HMGB1: variants seen among roughly 807,000 people sequenced by gnomAD.
HMGB1 encodes the protein high mobility group box 1.
For synonymous variants in HMGB1, 81 were observed against 84.0 expected (o/e 0.96, Z 0.19); for missense variants, 79 against 253.5 (o/e 0.31, Z 4.67).
At chr13:30,588,238 A>G (rs1871234755) in intron 1 of HMGB1, among the ~76,000 whole-genome samples, 1 of 152,240 alleles carries the variant, frequency 6.6e-6, no homozygotes, top group East Asian at 1.9e-4. Flanking sequence ...AAGACAATGT[A>G]TAATTATACA....
chr13:30,530,171 AAAACACCTGACTTCTTGTG>A, intron 1 of HMGB1, among the ~76,000 whole-genome samples: 1 of 152,254 alleles, frequency 6.6e-6, no homozygotes, highest in South Asian at 2.1e-4. Context: ...TAAAATTTCT[AAAACACCTGACTTCTTGTG>A]ATGGGTCACA....
At chr13:30,567,600 T>C (rs1057327678) in intron 1 of HMGB1, among the ~76,000 whole-genome samples, 1 of 152,196 alleles carries the variant, frequency 6.6e-6, no homozygotes, top group Admixed American at 6.5e-5. Context: ...TCCGCCCGCC[T>C]CGGCCTCCCA....
At chr13:30,483,420 GTGTCTCTGATCCC>G (rs1887282946) in intron 1 of HMGB1, among the ~76,000 whole-genome samples, 1 of 151,966 alleles carries the variant, frequency 6.6e-6, no homozygotes, top group Non-Finnish European at 1.5e-5. Flanking sequence ...TCTTTAATGT[GTGTCTCTGATCCC>G]TGTCACTTCC....
intron 1 of HMGB1, among the ~76,000 whole-genome samples, chr13:30,584,482 T>G (rs1335376551): frequency 6.6e-6 from 1 of 152,222 alleles, no homozygotes; most frequent in African/African-American, 2.4e-5. Context: ...TTGTTGCCTT[T>G]CCCCAACCTC....
At chr13:30,552,228 G>A (rs1869460360) in intron 1 of HMGB1, among the ~76,000 whole-genome samples, 3 of 152,046 alleles carry the variant, frequency 2.0e-5, no homozygotes, top group Admixed American at 1.3e-4. Flanking sequence ...GTGTTCACTT[G>A]CTTTTCCCCA....
At chr13:30,572,071 G>A (rs547046488) in intron 1 of HMGB1, among the ~76,000 whole-genome samples, 2 of 152,198 alleles carry the variant, frequency 1.3e-5, no homozygotes, top group Non-Finnish European at 2.9e-5. Flanking sequence ...TTCATGATGG[G>A]AGAGTAAGCA....
chr13:30,535,260 G>T (rs1438328853), intron 1 of HMGB1, among the ~76,000 whole-genome samples: 1 of 152,164 alleles, frequency 6.6e-6, no homozygotes, highest in Admixed American at 6.5e-5. Context: ...ACTTTGAAAA[G>T]GAGGGAACTT....
intron 1 of HMGB1, among the ~76,000 whole-genome samples, chr13:30,515,417 CTGTT>C (rs1593285552): frequency 1.3e-5 from 2 of 152,204 alleles, no homozygotes; most frequent in African/African-American, 4.8e-5. Context: ...CTTGAAGCCT[CTGTT>C]TGTGATCATT....
chr13:30,463,266 G>A lies in HMGB1; in HGVS notation c.237C>T (p.Ile79=), dbSNP rs1171559344. 8.7e-6 allele frequency: 14 copies of A among 1,607,404 alleles called. No individual in the cohort carries two copies. Among genetic ancestry groups the A allele is most frequent in the Admixed American group, 6.8e-5 (4 of 58,582 alleles). ...TCTTTTTTGTCTCCCCTTTGGGAGG[G>A]ATATAGGTTTTCATTTCTCTTTCAT... ...ARYEREMKTY[I]PPKGETKKKF... is the part of the protein sequence containing the mutation. Residue 79 remains isoleucine (I), a synonymous_variant, in exon 3 of 5, where the codon ATC becomes ATT. Transcript: ENST00000341423.
chr13:30,461,574 A>G, intron 4 of HMGB1, 41 bp from the exon 5 acceptor site: 2 of 1,570,128 alleles, frequency 1.3e-6, no homozygotes, highest in South Asian at 2.3e-5. Context: ...GGGAAGAAAA[A>G]AACATTAAGG....
chr13:30,503,350 T>C (rs1375007363), intron 1 of HMGB1, among the ~76,000 whole-genome samples: 1 of 135,756 alleles, frequency 7.4e-6, no homozygotes, highest in Non-Finnish European at 1.6e-5. Flanking sequence ...TCTCAAAAAA[T>C]AAAAAAAAAA....
chr13:30,466,178 A>G (rs1040071398), upstream of HMGB1, among the ~76,000 whole-genome samples: 6 of 152,102 alleles, frequency 3.9e-5, no homozygotes, highest in Admixed American at 6.6e-5. Context: ...TCTATGGTGT[A>G]TGTGTGCATG....
chr13:30,590,839 A>G (rs1871337559), intron 1 of HMGB1, among the ~76,000 whole-genome samples: 1 of 152,136 alleles, frequency 6.6e-6, no homozygotes, highest in South Asian at 2.1e-4. Context: ...GGAAGCAGAG[A>G]GTGAGCACTC....
chr13:30,593,226 C>T (rs543229826), intron 1 of HMGB1, among the ~76,000 whole-genome samples: 35 of 152,130 alleles, frequency 2.3e-4, no homozygotes, highest in African/African-American at 8.4e-4. Context: ...AGTTACAGAC[C>T]ACCCCCCCGT....
rs1034922657 is a variant in HMGB1 at position 30,554,056 on chromosome 13, C to T, written c.-15+62615G>A. 5 of 1,387,518 alleles carry T rather than the reference C, an allele frequency of 3.6e-6. No homozygotes were observed. In the African/African-American group the frequency reaches 5.7e-5, roughly 16 times the overall value. 86.0% of individuals were successfully genotyped at this position (1,387,518 alleles called of 1,614,324 possible). On this transcript the variant is annotated intron_variant, in intron 1 of 4. Transcript: ENST00000405805. ...GTTAAATGTGCGCAGTACTGGCCAA[C>T]AGATGACCAAAAGATGCTGTTTAAA...
chr13:30,613,669 C>T (rs1362415835), intron 1 of HMGB1, among the ~76,000 whole-genome samples: 1 of 152,036 alleles, frequency 6.6e-6, no homozygotes, highest in Non-Finnish European at 1.5e-5. Flanking sequence ...GCTCTCAGGG[C>T]TCACATGAAA....
chr13:30,480,978 T>A (rs552666893), intron 1 of HMGB1, among the ~76,000 whole-genome samples: 1 of 152,038 alleles, frequency 6.6e-6, no homozygotes, highest in East Asian at 1.9e-4. Flanking sequence ...ACTCTCCCTA[T>A]GGTTTCCTGC....
At chr13:30,583,045 T>C (rs886518019) in intron 1 of HMGB1, among the ~76,000 whole-genome samples, 1 of 152,118 alleles carries the variant, frequency 6.6e-6, no homozygotes, top group Non-Finnish European at 1.5e-5. Flanking sequence ...TTTTCAATTT[T>C]TTGTAGAGAC....
chr13:30,564,129 C>T (rs1319018486), intron 1 of HMGB1, among the ~76,000 whole-genome samples: 1 of 151,840 alleles, frequency 6.6e-6, no homozygotes, highest in Non-Finnish European at 1.5e-5. Flanking sequence ...AGTTATAGGA[C>T]ATGATTAAGA....
Sources: allele counts gnomAD v4.1 joint callset (sites outside exome capture counted in the v4.1 genomes callset), GRCh38; gene constraint gnomAD v4.1.1; transcripts MANE v1.5; gene names NCBI Gene and HGNC (gene_info 2026-07-23, HGNC 2026-07-21).